TMEM108: variants seen among roughly 807,000 people sequenced by gnomAD.
TMEM108 encodes transmembrane protein 108.
A neutral mutation model predicts 35.1 loss-of-function variants in TMEM108; 12 were observed. The ratio of observed to expected loss-of-function variants is 0.34; its 90% CI spans 0.22 to 0.55. The LOEUF is 0.55. Among genes scored for constraint, TMEM108 ranks in the 20% least tolerant of loss-of-function variants. The pLI is 0.89. For synonymous variants in TMEM108, 287 were observed against 308.6 expected (o/e 0.93, Z 0.73); for missense variants, 680 against 753.3 (o/e 0.90, Z 1.14).
At chr3:133,230,697 T>C (rs1391550429) in intron 3 of TMEM108, among the ~76,000 whole-genome samples, 3 of 152,178 alleles carry the variant, frequency 2.0e-5, no homozygotes, top group Non-Finnish European at 4.4e-5. Context: ...ACAGAGTAGA[T>C]TTTGGAACAG....
intron 2 of TMEM108, among the ~76,000 whole-genome samples, chr3:133,130,704 A>G (rs1944479227): frequency 6.6e-6 from 1 of 152,184 alleles, no homozygotes; most frequent in African/African-American, 2.4e-5. Flanking sequence ...TAGGGAAGTG[A>G]AAAGTTTCTC....
intron 3 of TMEM108, among the ~76,000 whole-genome samples, chr3:133,270,158 A>C (rs557823607): frequency 6.6e-6 from 1 of 152,166 alleles, no homozygotes; most frequent in Non-Finnish European, 1.5e-5. Flanking sequence ...CCCTCCCCCA[A>C]TCAAAGTCCT....
chr3:133,075,893 A>G (rs983990233), intron 2 of TMEM108, among the ~76,000 whole-genome samples: 1 of 152,172 alleles, frequency 6.6e-6, no homozygotes, highest in Admixed American at 6.5e-5. Flanking sequence ...ACAGGAGGCC[A>G]CAAGCAAGTG....
chr3:133,090,074 C>T lies in TMEM108; in HGVS notation c.-47+44054C>T, dbSNP rs528922055. Among the ~76,000 whole-genome samples, 36 of 152,272 alleles carry T rather than the reference C, an allele frequency of 2.4e-4. 1 individual carries two copies. The South Asian group carries it at 7.5e-3, about 32-fold the overall frequency. ...CACCTTAACAATGGAAGGTGGTGGC[C>T]AGTGGGTTTTAGAGGCATGTTACTG... On this transcript the variant is annotated intron_variant, in intron 2 of 5. Transcript: ENST00000321871.
At chr3:133,328,046 T>C (rs1319342582) in intron 3 of TMEM108, among the ~76,000 whole-genome samples, 1 of 152,218 alleles carries the variant, frequency 6.6e-6, no homozygotes, top group Admixed American at 6.5e-5. Context: ...GCTTGCTGTT[T>C]AGTTCCATTC....
chr3:133,046,433 T>G (rs899410682), intron 2 of TMEM108, among the ~76,000 whole-genome samples: 17 of 152,238 alleles, frequency 1.1e-4, no homozygotes, highest in African/African-American at 4.1e-4. Flanking sequence ...ATTACTCTGC[T>G]TAACTTTTGC....
At chr3:133,326,228 C>G (rs530039933) in intron 3 of TMEM108, among the ~76,000 whole-genome samples, 15 of 152,300 alleles carry the variant, frequency 9.8e-5, no homozygotes, top group Non-Finnish European at 1.8e-4. Context: ...ACACCCCAGT[C>G]TAATGGTCAA....
chr3:133,099,137 C>T (rs749596751), intron 2 of TMEM108, among the ~76,000 whole-genome samples: 6 of 152,210 alleles, frequency 3.9e-5, no homozygotes, highest in Non-Finnish European at 8.8e-5. Flanking sequence ...GGTTCCCAAA[C>T]CTTAATTCTT....
At chr3:133,181,105 C>T (rs534623445) in intron 2 of TMEM108, among the ~76,000 whole-genome samples, 6 of 144,754 alleles carry the variant, frequency 4.1e-5, no homozygotes, top group Non-Finnish European at 9.0e-5. Context: ...AATTGTCTTT[C>T]GATAAAGATA....
At chr3:133,386,354 T>A in intron 4 of TMEM108, 3 of 1,523,594 alleles carry the variant, frequency 2.0e-6, no homozygotes, top group Non-Finnish European at 2.6e-6. Context: ...AAAGAGCAAT[T>A]CAATAGTTGT....
At chr3:133,182,225 T>A (rs1945357493) in intron 2 of TMEM108, among the ~76,000 whole-genome samples, 1 of 152,222 alleles carries the variant, frequency 6.6e-6, no homozygotes, top group African/African-American at 2.4e-5. Flanking sequence ...CAGACTACAT[T>A]GAAGGCAAGG....
At chr3:133,344,858 T>C (rs1258091535) in intron 3 of TMEM108, among the ~76,000 whole-genome samples, 1 of 151,114 alleles carries the variant, frequency 6.6e-6, no homozygotes, top group African/African-American at 2.4e-5. Flanking sequence ...CAAAATCTCC[T>C]AGGAAAAAAA....
chr3:133,204,732 A>G (rs1342740731), intron 2 of TMEM108, among the ~76,000 whole-genome samples: 3 of 152,154 alleles, frequency 2.0e-5, no homozygotes, highest in Non-Finnish European at 2.9e-5. Flanking sequence ...TATGTGGTCA[A>G]TTTTAGAATA....
chr3:133,182,339 A>G (rs1004088921), intron 2 of TMEM108, among the ~76,000 whole-genome samples: 36 of 152,106 alleles, frequency 2.4e-4, no homozygotes, highest in Admixed American at 2.3e-3. Flanking sequence ...CTCCCTGGAG[A>G]GCTGCTCTGA....
chr3:133,176,638 T>C (rs1369964041), intron 2 of TMEM108, among the ~76,000 whole-genome samples: 1 of 149,964 alleles, frequency 6.7e-6, no homozygotes, highest in Admixed American at 6.6e-5. Flanking sequence ...AGACACAACA[T>C]ACCAGAATCT....
intron 5 of TMEM108, among the ~76,000 whole-genome samples, chr3:133,395,461 T>A (rs185247700): frequency 2.6e-5 from 4 of 152,212 alleles, no homozygotes; most frequent in Non-Finnish European, 5.9e-5. Flanking sequence ...CAGGAAGTAG[T>A]CTGGGTGCAA....
chr3:133,111,434 A>C (rs190227168), intron 2 of TMEM108, among the ~76,000 whole-genome samples: 11 of 152,092 alleles, frequency 7.2e-5, no homozygotes, highest in African/African-American at 2.4e-4. Flanking sequence ...TCTTCTCATC[A>C]TGAGTCTCTT....
chr3:133,120,772 A>G (rs1302305646), intron 2 of TMEM108: 2 of 152,208 alleles, frequency 1.3e-5, no homozygotes, highest in East Asian at 1.9e-4. Flanking sequence ...ATGCTCTTAG[A>G]AGAGTGCCTA....
rs1945841400 is a variant in TMEM108 at position 133,212,096 on chromosome 3, G to A, written c.-46-17170G>A. ...GGGATCTGCTCTGCCTCCTGCCTCA[G>A]TATAAATCCCTCCAGGGACAGGCAC... On this transcript the variant is annotated intron_variant, in intron 2 of 5. Transcript: ENST00000321871. 2.0e-5 allele frequency among the ~76,000 whole-genome samples: 3 copies of A among 152,200 alleles called. No homozygotes were observed. In the South Asian group the frequency reaches 6.2e-4, roughly 32 times the overall value.
Sources: gnomAD v4.1 joint callset for allele counts (sites outside exome capture counted in the v4.1 genomes callset) on GRCh38, gnomAD v4.1.1 for gene constraint, MANE v1.5 for transcripts, NCBI Gene and HGNC (gene_info 2026-07-23, HGNC 2026-07-21) for gene names.